COL24A1: variants seen among roughly 807,000 people sequenced by gnomAD.
The protein encoded by COL24A1 is collagen type XXIV alpha 1 chain.
A neutral mutation model predicts 253.9 loss-of-function variants in COL24A1; 224 were observed. That is an observed-to-expected ratio of 0.88 (90% confidence interval 0.79 to 0.99). The LOEUF (loss-of-function observed/expected upper bound fraction) is 0.99. Among genes scored for constraint, COL24A1 ranks in the 50% least tolerant of loss-of-function variants. The pLI, the probability that COL24A1 is intolerant of heterozygous loss-of-function variation, is 0.00. For missense variants in COL24A1, 2,131 were observed against 2,068.5 expected, an observed-to-expected ratio of 1.03 and a Z score of -0.59; for synonymous variants, 685 against 673.7, an observed-to-expected ratio of 1.02 and a Z score of -0.26.
chr1:86,030,759 T>C (rs1374128262), intron 14 of COL24A1, among the ~76,000 whole-genome samples: 2 of 151,820 alleles, frequency 1.3e-5, no homozygotes, highest in Non-Finnish European at 2.9e-5. Context: ...TCTTTTTTTT[T>C]TTTTTTGTTG....
At chr1:86,103,778 T>C (rs954973333) in intron 5 of COL24A1, among the ~76,000 whole-genome samples, 8 of 152,354 alleles carry the variant, frequency 5.3e-5, no homozygotes, top group African/African-American at 1.9e-4. Flanking sequence ...CTTCCCTTTC[T>C]GGGTGACCTG....
chr1:86,138,646 A>G (rs959432459), intron 2 of COL24A1, among the ~76,000 whole-genome samples: 2 of 152,098 alleles, frequency 1.3e-5, no homozygotes, highest in African/African-American at 4.8e-5. Context: ...CTCCCTAGCT[A>G]TATGGAACTG....
At chr1:85,735,981 C>T (rs957246466) in intron 58 of COL24A1, among the ~76,000 whole-genome samples, 1 of 152,128 alleles carries the variant, frequency 6.6e-6, no homozygotes, top group Non-Finnish European at 1.5e-5. Flanking sequence ...TAATAAGGAA[C>T]ATTAGAATTT....
At chr1:86,017,874 T>C (rs942885792) in intron 18 of COL24A1, among the ~76,000 whole-genome samples, 9 of 152,184 alleles carry the variant, frequency 5.9e-5, no homozygotes, top group Non-Finnish European at 1.2e-4. Flanking sequence ...GGCTCACACA[T>C]AGAATTCCTA....
At chr1:86,022,397 T>G in intron 17 of COL24A1, 104 bp from the exon 18 acceptor site, 2 of 1,387,158 alleles carry the variant, frequency 1.4e-6, no homozygotes, top group Non-Finnish European at 2.0e-6. Flanking sequence ...GCTAAAATAT[T>G]GAGACAAAAG....
chr1:85,910,111 A>G, intron 25 of COL24A1, 108 bp from the exon 26 acceptor site: 2 of 672,814 alleles, frequency 3.0e-6, no homozygotes, highest in Non-Finnish European at 4.8e-6. Context: ...TCTTACATGC[A>G]TACATCATTT....
At chr1:86,140,107 A>G (rs1254313493) in intron 2 of COL24A1, among the ~76,000 whole-genome samples, 1 of 152,220 alleles carries the variant, frequency 6.6e-6, no homozygotes, top group Non-Finnish European at 1.5e-5. Flanking sequence ...TCCTTATGTA[A>G]CAGGCACTGT....
chr1:86,048,613 C>T (rs956806955), intron 11 of COL24A1, among the ~76,000 whole-genome samples: 3 of 151,994 alleles, frequency 2.0e-5, no homozygotes, highest in Non-Finnish European at 4.4e-5. Flanking sequence ...GCCTCAGCCT[C>T]CCAAGTAGTT....
intron 37 of COL24A1, among the ~76,000 whole-genome samples, chr1:85,852,546 T>G (rs1677887422): frequency 6.6e-6 from 1 of 152,180 alleles, no homozygotes; most frequent in African/African-American, 2.4e-5. Context: ...TTGTATTAAG[T>G]GTATTCATTA....
chr1:85,863,223 C>T (rs1233161673), intron 37 of COL24A1, among the ~76,000 whole-genome samples: 5 of 152,114 alleles, frequency 3.3e-5, no homozygotes, highest in South Asian at 2.1e-4. Flanking sequence ...TGGGCTGAGA[C>T]GATGGGGTTT....
intron 42 of COL24A1, among the ~76,000 whole-genome samples, chr1:85,839,708 C>T (rs1181860028): frequency 1.3e-5 from 2 of 152,100 alleles, no homozygotes; most frequent in African/African-American, 4.8e-5. Flanking sequence ...CAGAGGGAGA[C>T]ACAGTCTCAG....
intron 24 of COL24A1, chr1:85,961,014 T>C: frequency 2.6e-6 from 1 of 381,078 alleles, no homozygotes; most frequent in Non-Finnish European, 4.6e-6. Flanking sequence ...GTTTCTGAGG[T>C]CACAAATATA....
In COL24A1 at chr1:85,935,844, C is replaced by T. The variant is rs572445114; in HGVS notation, c.2563-24411G>A. On this transcript the variant is annotated intron_variant, in intron 24 of 59. Transcript: ENST00000370571. ...CAACTTAGAGCAGTAGTGGTGGAAA[C>T]AGAGGTGAGCCACCCACATTCCCTT... Among the ~76,000 whole-genome samples the T allele has an allele frequency of 1.4e-5, 2 of 147,552 alleles. 1 individual carries two copies. Among genetic ancestry groups the T allele is most frequent in the East Asian group, 4.2e-4 (2 of 4,708 alleles).
chr1:86,098,520 G>A (rs1394316182), intron 5 of COL24A1, among the ~76,000 whole-genome samples: 1 of 152,120 alleles, frequency 6.6e-6, no homozygotes, highest in Non-Finnish European at 1.5e-5. Flanking sequence ...ATCAGCTGCT[G>A]GTCACCACAG....
chr1:86,155,948 A>C, intron 1 of COL24A1: 1 of 177,026 alleles, frequency 5.6e-6, no homozygotes. Context: ...ACCTCGGGGA[A>C]GCAGGACCTC....
chr1:85,881,015 A>C (rs189864387), intron 32 of COL24A1, among the ~76,000 whole-genome samples: 1 of 152,320 alleles, frequency 6.6e-6, no homozygotes, highest in East Asian at 1.9e-4. Flanking sequence ...TTTGTTTTTA[A>C]GGTAATGCTC....
chr1:85,984,759 T>C (rs898421189), intron 20 of COL24A1, among the ~76,000 whole-genome samples: 5 of 151,724 alleles, frequency 3.3e-5, no homozygotes, highest in Non-Finnish European at 7.4e-5. Flanking sequence ...AAACGGTACC[T>C]CAAACTAAAT....
chr1:86,112,354 A>G (rs879837742), intron 5 of COL24A1, among the ~76,000 whole-genome samples: 17 of 152,220 alleles, frequency 1.1e-4, no homozygotes, highest in Non-Finnish European at 2.4e-4. Context: ...ACCTGATTTT[A>G]CTACTAAGAA....
chr1:85,934,226 A>G (rs749814919), intron 24 of COL24A1, among the ~76,000 whole-genome samples: 7 of 152,348 alleles, frequency 4.6e-5, no homozygotes, highest in Admixed American at 1.3e-4. Context: ...GACTTCTGCC[A>G]TATCCTACTC....
Sources: allele counts gnomAD v4.1 joint callset (sites outside exome capture counted in the v4.1 genomes callset), GRCh38; gene constraint gnomAD v4.1.1; transcripts MANE v1.5; gene names NCBI Gene and HGNC (gene_info 2026-07-23, HGNC 2026-07-21).